COL14A1: variants seen among roughly 807,000 people sequenced by gnomAD.
The protein encoded by COL14A1 is collagen type XIV alpha 1 chain.
COL14A1 carries 136 observed loss-of-function variants against 230.3 expected under a neutral mutation model. That is an observed-to-expected ratio of 0.59 (90% CI 0.51 to 0.68). The LOEUF (loss-of-function observed/expected upper bound fraction) is 0.68, where lower values mean the gene tolerates loss of function less well. Among genes scored for constraint, COL14A1 ranks in the 30% least tolerant of loss-of-function variants. The pLI is 0.00. For missense variants in COL14A1, 1,976 were observed against 2,215.8 expected (o/e 0.89, Z 2.17); for synonymous variants, 792 against 784.1 (o/e 1.01, Z -0.17).
chr8:120,174,661 A>G (rs1291897357), intron 5 of COL14A1, among the ~76,000 whole-genome samples: 1 of 152,146 alleles, frequency 6.6e-6, no homozygotes, highest in Non-Finnish European at 1.5e-5. Context: ...TATTGTAGTG[A>G]TGAGAACTTG....
chr8:120,133,239 A>T (rs540373230), intron 1 of COL14A1, among the ~76,000 whole-genome samples: 12 of 151,964 alleles, frequency 7.9e-5, no homozygotes, highest in Non-Finnish European at 1.6e-4. Context: ...ATAAAAAAAA[A>T]AAAAATAACT....
chr8:120,142,096 A>G (rs1301010380), intron 1 of COL14A1, among the ~76,000 whole-genome samples: 1 of 151,942 alleles, frequency 6.6e-6, no homozygotes, highest in African/African-American at 2.4e-5. Context: ...AAAAAGACAA[A>G]CGTGGCCTGT....
intron 40 of COL14A1, among the ~76,000 whole-genome samples, chr8:120,327,436 C>G (rs867485472): frequency 4.6e-5 from 7 of 152,334 alleles, no homozygotes; most frequent in South Asian, 4.1e-4. Flanking sequence ...CTAACCTCTT[C>G]CCTGTCCCTA....
chr8:120,332,276 T>C, intron 41 of COL14A1, 82 bp downstream of exon 41: 1 of 1,326,006 alleles, frequency 7.5e-7, no homozygotes, highest in Non-Finnish European at 1.1e-6. Flanking sequence ...TTGCCAGATC[T>C]TTTACCAGCA....
At chr8:120,186,985 C>T (rs1816672622) in intron 5 of COL14A1, among the ~76,000 whole-genome samples, 1 of 152,064 alleles carries the variant, frequency 6.6e-6, no homozygotes, top group Non-Finnish European at 1.5e-5. Context: ...TAAAGAGGGG[C>T]AGGTAATGAG....
chr8:120,270,385 G>A (rs1257705702), intron 26 of COL14A1, among the ~76,000 whole-genome samples: 1 of 151,544 alleles, frequency 6.6e-6, no homozygotes, highest in South Asian at 2.1e-4. Context: ...TGTTGAGTTC[G>A]GCAAACTAAA....
intron 22 of COL14A1, among the ~76,000 whole-genome samples, chr8:120,252,925 A>G (rs1291962467): frequency 6.6e-6 from 1 of 152,166 alleles, no homozygotes; most frequent in Non-Finnish European, 1.5e-5. Context: ...ATATCTTGAG[A>G]CCTTAAAGGC....
intron 11 of COL14A1, among the ~76,000 whole-genome samples, chr8:120,208,679 T>C (rs1037812203): frequency 2.0e-5 from 3 of 152,196 alleles, no homozygotes; most frequent in Non-Finnish European, 4.4e-5. Flanking sequence ...GAATTGTCCT[T>C]GAATTTGTCA....
chr8:120,336,885 C>T (rs563185626), intron 42 of COL14A1, among the ~76,000 whole-genome samples: 23 of 152,298 alleles, frequency 1.5e-4, no homozygotes, highest in African/African-American at 4.3e-4. Flanking sequence ...GGTGAGCTCC[C>T]GGCAAATCCT....
intron 1 of COL14A1, among the ~76,000 whole-genome samples, chr8:120,133,648 A>G (rs1002655501): frequency 6.6e-6 from 1 of 152,182 alleles, no homozygotes; most frequent in Non-Finnish European, 1.5e-5. Flanking sequence ...ATATCAGTAT[A>G]TTTGTGTTTG....
At position 120,216,466 on chromosome 8, in the gene COL14A1, T is replaced by C. The variant is rs1817754402; in HGVS notation, c.1713T>C (p.Asn571=). The C allele has an allele frequency of 3.7e-6, 6 of 1,610,034 alleles. No individual in the cohort carries two copies. In the Admixed American group the frequency reaches 1.0e-4, roughly 27 times the overall value. The change falls in exon 14 of 48, where the codon AAT becomes AAC. Residue 571 remains asparagine, a synonymous_variant. Transcript: ENST00000297848. The part of the protein sequence containing the change: ...QINGYRIVYN[N]ADGTEINEVE... Reference sequence around the variant, plus strand: ...ATGGTTATCGAATTGTATATAACAATGCAGATGGGACTGAAATCAATGAGG... The same window carrying C: ...ATGGTTATCGAATTGTATATAACAACGCAGATGGGACTGAAATCAATGAGG...
chr8:120,335,151 G>A (rs376202722), intron 42 of COL14A1, among the ~76,000 whole-genome samples: 12 of 152,138 alleles, frequency 7.9e-5, no homozygotes, highest in East Asian at 5.8e-4. Flanking sequence ...GACATGGGGC[G>A]TGGAGAGCTA....
At chr8:120,244,832 G>A (rs1036654047) in intron 20 of COL14A1, among the ~76,000 whole-genome samples, 1 of 152,164 alleles carries the variant, frequency 6.6e-6, no homozygotes, top group Non-Finnish European at 1.5e-5. Flanking sequence ...GCTTGAGGAG[G>A]TTTTCAGCAG....
chr8:120,286,962 T>A (rs1375485320), intron 33 of COL14A1, among the ~76,000 whole-genome samples: 2 of 152,162 alleles, frequency 1.3e-5, no homozygotes, highest in African/African-American at 2.4e-5. Context: ...TGATCTGTAG[T>A]GTTAAGCAGT....
intron 45 of COL14A1, among the ~76,000 whole-genome samples, chr8:120,348,262 A>G (rs1822599070): frequency 6.7e-6 from 1 of 148,284 alleles, no homozygotes; most frequent in Admixed American, 6.8e-5. Flanking sequence ...TATGAAGCAT[A>G]TATAAAGCAT....
chr8:120,130,596 C>T (rs373759583), intron 1 of COL14A1, among the ~76,000 whole-genome samples: 17 of 151,894 alleles, frequency 1.1e-4, no homozygotes, highest in African/African-American at 2.4e-4. Context: ...AGAAAGCCTA[C>T]GTGTACAAGG....
intron 42 of COL14A1, among the ~76,000 whole-genome samples, chr8:120,333,431 T>G (rs1226584921): frequency 2.0e-5 from 3 of 152,266 alleles, no homozygotes; most frequent in Admixed American, 2.0e-4. Flanking sequence ...CTTCTAGGTT[T>G]AGATGTTAGT....
intron 17 of COL14A1, among the ~76,000 whole-genome samples, chr8:120,228,475 G>A (rs890741218): frequency 1.1e-4 from 16 of 152,204 alleles, no homozygotes; most frequent in African/African-American, 3.9e-4. Context: ...TTTATATGAA[G>A]CCTGGTATCT....
chr8:120,272,495 A>T (rs1819698702), intron 26 of COL14A1, among the ~76,000 whole-genome samples: 1 of 151,712 alleles, frequency 6.6e-6, no homozygotes, highest in African/African-American at 2.4e-5. Context: ...AAAGATGCAG[A>T]TTAGAAGAAT....
Sources: gnomAD v4.1 joint callset for allele counts (sites outside exome capture counted in the v4.1 genomes callset) on GRCh38, gnomAD v4.1.1 for gene constraint, MANE v1.5 for transcripts, NCBI Gene and HGNC (gene_info 2026-07-23, HGNC 2026-07-21) for gene names.